SEMA5A: variants seen among roughly 807,000 people sequenced by gnomAD.
The protein encoded by SEMA5A is semaphorin-5A.
In SEMA5A, 55 loss-of-function variants were observed where a neutral mutation model predicts 135.5. The ratio of observed to expected loss-of-function variants is 0.41; its 90% CI spans 0.33 to 0.51. The LOEUF (loss-of-function observed/expected upper bound fraction) is 0.51, where lower values mean the gene tolerates loss of function less well. Among genes scored for constraint, SEMA5A ranks in the 20% least tolerant of loss-of-function variants. The probability of loss-of-function intolerance (pLI) is 0.37; values close to 1 mark genes in which losing one functional copy is unlikely to be tolerated. For synonymous variants in SEMA5A, 580 were observed against 546.5 expected (o/e 1.06, Z -0.85); for missense variants, 1,290 against 1,419.9 (o/e 0.91, Z 1.47).
intron 1 of SEMA5A, among the ~76,000 whole-genome samples, chr5:9,485,598 A>G (rs1417972906): frequency 2.0e-5 from 3 of 152,232 alleles, no homozygotes; most frequent in Admixed American, 2.0e-4. Context: ...TAGTCTGTCT[A>G]GATAGAGCCA....
intron 1 of SEMA5A, among the ~76,000 whole-genome samples, chr5:9,478,156 C>G (rs2126771295): frequency 6.6e-6 from 1 of 152,308 alleles, no homozygotes; most frequent in East Asian, 1.9e-4. Flanking sequence ...TTCAGGTGCA[C>G]AGAAAACAAG....
chr5:9,509,435 C>T (rs374904736), intron 1 of SEMA5A, among the ~76,000 whole-genome samples: 27 of 152,040 alleles, frequency 1.8e-4, no homozygotes, highest in African/African-American at 4.8e-4. Context: ...CCACCACGCC[C>T]GGCTAATTTT....
At chr5:9,303,176 G>A (rs1428115333) in intron 5 of SEMA5A, among the ~76,000 whole-genome samples, 2 of 151,114 alleles carry the variant, frequency 1.3e-5, no homozygotes, top group Non-Finnish European at 1.5e-5. Context: ...GAGTGCAGTG[G>A]CGCCATCTCG....
intron 5 of SEMA5A, among the ~76,000 whole-genome samples, chr5:9,248,193 G>C (rs945996953): frequency 6.6e-6 from 1 of 152,188 alleles, no homozygotes; most frequent in African/African-American, 2.4e-5. Context: ...GTGAGAATAA[G>C]AGTTGGTGAA....
chr5:9,363,660 C>T lies in SEMA5A; in HGVS notation c.124+16163G>A, dbSNP rs16882563. ...GTGTGAAATTCTTGGTGATATCAAC[C>T]GAAGCTCCACATAGTTATGGAGGTA... On this transcript the variant is annotated intron_variant, in intron 3 of 22. Coordinates refer to ENST00000382496, the MANE Select transcript of SEMA5A (RefSeq NM_003966.3). 4.9e-3 allele frequency among the ~76,000 whole-genome samples: 743 copies of T among 152,202 alleles called. 7 individuals carry two copies. The highest frequency in any genetic ancestry group is 0.037 in the South Asian group (179 of 4,822).
chr5:9,085,617 C>T (rs1738637479), intron 16 of SEMA5A, among the ~76,000 whole-genome samples: 1 of 152,302 alleles, frequency 6.6e-6, no homozygotes, highest in South Asian at 2.1e-4. Context: ...TATGGAAACA[C>T]ATGAATGTCC....
chr5:9,117,065 G>A (rs907979782), intron 15 of SEMA5A, among the ~76,000 whole-genome samples: 5 of 152,128 alleles, frequency 3.3e-5, no homozygotes, highest in African/African-American at 1.2e-4. Context: ...TTCCTCCATT[G>A]AGCAAATGCT....
At chr5:9,104,963 C>T (rs531985899) in intron 16 of SEMA5A, among the ~76,000 whole-genome samples, 1 of 152,300 alleles carries the variant, frequency 6.6e-6, no homozygotes, top group Non-Finnish European at 1.5e-5. Flanking sequence ...CACATGTGCC[C>T]CAGGGTCCAG....
chr5:9,497,585 C>G (rs940979350), intron 1 of SEMA5A, among the ~76,000 whole-genome samples: 1 of 152,174 alleles, frequency 6.6e-6, no homozygotes, highest in East Asian at 1.9e-4. Flanking sequence ...ACTTAGCCTG[C>G]ACTTCAAGAT....
chr5:9,053,952 T>C, intron 19 of SEMA5A, 135 bp downstream of exon 19: 1 of 894,768 alleles, frequency 1.1e-6, no homozygotes, highest in Admixed American at 2.5e-5. Context: ...ACTTCAAGGG[T>C]AATAGCATGT....
At chr5:9,258,646 T>C (rs1219929432) in intron 5 of SEMA5A, among the ~76,000 whole-genome samples, 1 of 152,110 alleles carries the variant, frequency 6.6e-6, no homozygotes, top group Admixed American at 6.6e-5. Context: ...TCCTCATTGC[T>C]TGCTGGATAT....
chr5:9,466,381 TTA>T (rs1491547073), intron 1 of SEMA5A, among the ~76,000 whole-genome samples: 58 of 20,798 alleles, frequency 2.8e-3, no homozygotes, highest in Non-Finnish European at 3.0e-3. Context: ...ATAATAAAAT[TTA>T]AAAAAAAAAA....
Position 9,075,977 on chromosome 5 carries a change from C to T in SEMA5A, c.2074-9331G>A, listed in dbSNP as rs186099319. Among the ~76,000 whole-genome samples, 290 of 152,094 alleles carry T rather than the reference C, an allele frequency of 1.9e-3. 3 individuals are homozygous for T. Among genetic ancestry groups the T allele is most frequent in the Non-Finnish European group, 2.7e-3 (182 of 67,962 alleles). On this transcript the variant is annotated intron_variant, in intron 16 of 22. Coordinates refer to ENST00000382496, the MANE Select transcript of SEMA5A (RefSeq NM_003966.3). ...ATCCCAGCACTTTGGGAGGCTGAGG[C>T]GGTTGCATCATGAGGTCAAGAGATC...
intron 2 of SEMA5A, among the ~76,000 whole-genome samples, chr5:9,384,667 TAGATAGATATAGATAGATAG>T (rs1755799863): frequency 8.8e-6 from 1 of 113,390 alleles, no homozygotes; most frequent in African/African-American, 3.6e-5. Context: ...TAGATATAGA[TAGATAGATATAGATAGATAG>T]ATAGATAGAT....
chr5:9,057,331 C>A (rs1470019098), intron 18 of SEMA5A, among the ~76,000 whole-genome samples: 1 of 152,210 alleles, frequency 6.6e-6, no homozygotes, highest in Non-Finnish European at 1.5e-5. Context: ...TAAATGTGCT[C>A]ATTTCAACGG....
At chr5:9,175,462 G>A (rs1042353814) in intron 11 of SEMA5A, among the ~76,000 whole-genome samples, 8 of 152,072 alleles carry the variant, frequency 5.3e-5, no homozygotes, top group African/African-American at 1.7e-4. Flanking sequence ...CAGAGATGGC[G>A]GTGGCCCTTA....
chr5:9,131,874 A>G (rs1360610900), intron 13 of SEMA5A, among the ~76,000 whole-genome samples: 1 of 152,062 alleles, frequency 6.6e-6, no homozygotes, highest in African/African-American at 2.4e-5. Context: ...ATCATATGGT[A>G]CCCTGGTCAT....
intron 2 of SEMA5A, among the ~76,000 whole-genome samples, chr5:9,380,929 C>T (rs769851924): frequency 2.0e-5 from 3 of 151,556 alleles, no homozygotes; most frequent in Middle Eastern, 3.5e-3. Flanking sequence ...TCTGGAAGGA[C>T]GTTCCGTCCC....
At chr5:9,234,588 C>T (rs1406008448) in intron 6 of SEMA5A, among the ~76,000 whole-genome samples, 1 of 152,182 alleles carries the variant, frequency 6.6e-6, no homozygotes, top group Non-Finnish European at 1.5e-5. Context: ...TTTAAACTGT[C>T]TGTGAATTTA....
Sources: gnomAD v4.1 joint callset for allele counts (sites outside exome capture counted in the v4.1 genomes callset) on GRCh38, gnomAD v4.1.1 for gene constraint, MANE v1.5 for transcripts, NCBI Gene and HGNC (gene_info 2026-07-23, HGNC 2026-07-21) for gene names.